Variants in STPG4 observed in about 807,000 individuals in gnomAD.
The protein encoded by STPG4 is sperm-tail PG-rich repeat containing 4, also known as protein STPG4.
STPG4 carries 41 observed loss-of-function variants against 31.5 expected under a neutral mutation model. The ratio of observed to expected loss-of-function variants is 1.30; its 90% CI spans 1.01 to 1.69. STPG4 has a LOEUF of 1.69. Among genes scored for constraint, STPG4 ranks in the 40% most tolerant of loss-of-function variants. The pLI is 0.00. For missense variants in STPG4, 375 were observed against 293.4 expected (o/e 1.28, Z -2.03); for synonymous variants, 141 against 103.0 (o/e 1.37, Z -2.24).
At chr2:47,108,326 A>C (rs1244277186) in intron 5 of STPG4, 3 of 152,038 alleles carry the variant, frequency 2.0e-5, no homozygotes, top group Admixed American at 6.6e-5. Context: ...CGCTCTTTGC[A>C]ATAAATCTTG....
At chr2:47,110,644 GAA>G (rs1369356665) in intron 5 of STPG4, among the ~76,000 whole-genome samples, 1 of 152,164 alleles carries the variant, frequency 6.6e-6, no homozygotes, top group East Asian at 1.9e-4. Context: ...TGAAGAGAAA[GAA>G]ATATAAGCAA....
At chr2:47,096,495 C>T (rs988113637) in intron 5 of STPG4, among the ~76,000 whole-genome samples, 2 of 152,164 alleles carry the variant, frequency 1.3e-5, no homozygotes, top group African/African-American at 4.8e-5. Flanking sequence ...CTGGACTGTG[C>T]TGATTTAATT....
At chr2:47,096,104 C>A (rs1685664406) in intron 5 of STPG4, among the ~76,000 whole-genome samples, 1 of 152,212 alleles carries the variant, frequency 6.6e-6, no homozygotes, top group South Asian at 2.1e-4. Context: ...GTCTGTGTTA[C>A]TGGCAGCAGA....
chr2:47,129,920 A>G (rs1558682978), intron 5 of STPG4, 21 bp downstream of exon 5: 1 of 1,608,442 alleles, frequency 6.2e-7, no homozygotes. Flanking sequence ...ATCATGAGTT[A>G]ACTGTCTACA....
At chr2:47,112,975 G>A (rs1241940545) in intron 5 of STPG4, among the ~76,000 whole-genome samples, 2 of 109,716 alleles carry the variant, frequency 1.8e-5, no homozygotes, top group African/African-American at 3.9e-5. Context: ...CTGGGCGACA[G>A]AGCAAGACTA....
chr2:47,089,659 A>C (rs920307622), intron 6 of STPG4, among the ~76,000 whole-genome samples: 2 of 152,004 alleles, frequency 1.3e-5, no homozygotes, highest in African/African-American at 4.8e-5. Flanking sequence ...GACATTAAAA[A>C]AAAAAAATCC....
chr2:47,089,523 G>T (rs535646948), intron 6 of STPG4, among the ~76,000 whole-genome samples: 4 of 152,240 alleles, frequency 2.6e-5, no homozygotes, highest in African/African-American at 9.6e-5. Flanking sequence ...TTTTCTTACA[G>T]GCAGAATTTG....
chr2:47,139,887 T>C (rs1686669942), intron 3 of STPG4, among the ~76,000 whole-genome samples: 1 of 152,160 alleles, frequency 6.6e-6, no homozygotes. Flanking sequence ...GCAATTCTCC[T>C]GCCTCAGCCG....
intron 3 of STPG4, among the ~76,000 whole-genome samples, chr2:47,147,258 A>G (rs1693892): frequency 0.31 from 47,415 of 152,070 alleles, 7,548 homozygotes; most frequent in African/African-American, 0.37. Flanking sequence ...ATGCAGCTAC[A>G]TGGATGCAGG....
At chr2:47,108,089 T>G (rs1573161411) in intron 5 of STPG4, among the ~76,000 whole-genome samples, 1 of 151,896 alleles carries the variant, frequency 6.6e-6, no homozygotes, top group South Asian at 2.1e-4. Context: ...GGAGAACCTT[T>G]GTGTCAACAC....
At chr2:47,140,967 C>T (rs1460174575) in intron 3 of STPG4, among the ~76,000 whole-genome samples, 1 of 150,292 alleles carries the variant, frequency 6.7e-6, no homozygotes, top group Non-Finnish European at 1.5e-5. Flanking sequence ...GCTCACTGCA[C>T]CCTCCACCTT....
At chr2:47,139,630 G>A (rs1386566282) in intron 3 of STPG4, among the ~76,000 whole-genome samples, 1 of 151,996 alleles carries the variant, frequency 6.6e-6, no homozygotes, top group Non-Finnish European at 1.5e-5. Context: ...CTTCTTTGAA[G>A]AATTTTCCAA....
At chr2:47,128,582 GGCCTGTAGCAAGTACT>G (rs1686409285) in intron 5 of STPG4, among the ~76,000 whole-genome samples, 1 of 152,056 alleles carries the variant, frequency 6.6e-6, no homozygotes, top group Admixed American at 6.5e-5. Flanking sequence ...ATGCCACTCA[GGCCTGTAGCAAGTACT>G]GCCTGGATAC....
chr2:47,134,760 A>G (rs902219360), intron 3 of STPG4, among the ~76,000 whole-genome samples: 1 of 152,196 alleles, frequency 6.6e-6, no homozygotes, highest in African/African-American at 2.4e-5. Flanking sequence ...GAGTATGTTT[A>G]GTTTTTTAAA....
At chr2:47,129,732 A>G (rs1298465473) in intron 5 of STPG4, 4 of 548,418 alleles carry the variant, frequency 7.3e-6, no homozygotes, top group African/African-American at 1.9e-5. Context: ...CCTTGATACA[A>G]TGTTAAAACC....
chr2:47,140,718 A>C (rs1686684023), intron 3 of STPG4, among the ~76,000 whole-genome samples: 1 of 152,176 alleles, frequency 6.6e-6, no homozygotes, highest in Non-Finnish European at 1.5e-5. Flanking sequence ...AGCTATTTAC[A>C]TGCAGAACTG....
chr2:47,131,384 C>T (rs1035983496), intron 3 of STPG4, among the ~76,000 whole-genome samples: 5 of 152,194 alleles, frequency 3.3e-5, no homozygotes, highest in Admixed American at 6.5e-5. Flanking sequence ...AGTTTGGCCT[C>T]CCAAAGTGCT....
intron 5 of STPG4, among the ~76,000 whole-genome samples, chr2:47,103,271 G>C (rs1016974541): frequency 6.6e-6 from 1 of 151,854 alleles, no homozygotes; most frequent in Non-Finnish European, 1.5e-5. Context: ...TGCCTTCCTC[G>C]AGCAGCTACG....
chr2:47,095,797 T>C (rs1230125766), intron 5 of STPG4, among the ~76,000 whole-genome samples: 1 of 152,142 alleles, frequency 6.6e-6, no homozygotes, highest in African/African-American at 2.4e-5. Context: ...CAGCTAGGTG[T>C]GGCTGCAGGA....
Sources: gnomAD v4.1 joint callset for allele counts (sites outside exome capture counted in the v4.1 genomes callset) on GRCh38, gnomAD v4.1.1 for gene constraint, MANE v1.5 for transcripts, NCBI Gene and HGNC (gene_info 2026-07-23, HGNC 2026-07-21) for gene names.